Variants in RBFOX1 observed in about 807,000 individuals in gnomAD.
RBFOX1 encodes RNA binding fox-1 homolog 1, also known as RNA binding protein fox-1 homolog 1.
RBFOX1 carries 8 observed loss-of-function variants against 57.7 expected under a neutral mutation model. The observed-to-expected ratio is 0.14, with a 90% CI of 0.08 to 0.25. RBFOX1 has a LOEUF of 0.25. RBFOX1 is among the 10% of genes least tolerant of loss of function. The probability of loss-of-function intolerance (pLI) is 1.00; values close to 1 mark genes in which losing one functional copy is unlikely to be tolerated. For missense variants in RBFOX1, 611 were observed against 548.5 expected, an observed-to-expected ratio of 1.11 and a Z score of -1.14; for synonymous variants, 326 against 222.4, an observed-to-expected ratio of 1.47 and a Z score of -4.15.
At chr16:5,251,472 A>C (rs1208223034) in intron 1 of RBFOX1, among the ~76,000 whole-genome samples, 1 of 152,200 alleles carries the variant, frequency 6.6e-6, no homozygotes, top group Non-Finnish European at 1.5e-5. Flanking sequence ...TGCCGAGCCC[A>C]GAGCCACCCC....
chr16:6,537,143 A>G (rs1421870145), intron 2 of RBFOX1, among the ~76,000 whole-genome samples: 1 of 151,930 alleles, frequency 6.6e-6, no homozygotes, highest in Non-Finnish European at 1.5e-5. Context: ...GAGCACAGGG[A>G]TCTTTCCAGG....
rs117932212 is a variant in RBFOX1 at position 5,706,994 on chromosome 16, A to G, written c.318+108033A>G. ...AAGCCAAGCGTCCTGCGTAAAAGCA[A>G]TTATTTGTCTGAATGCTTGAGGCCA... On this transcript the variant is annotated intron_variant, in intron 3 of 19. Coordinates refer to the RBFOX1 transcript ENST00000641259. Among the ~76,000 whole-genome samples, 701 of 152,260 alleles carry G rather than the reference A, an allele frequency of 4.6e-3. 6 individuals carry two copies. The highest frequency in any genetic ancestry group is 0.031 in the Middle Eastern group (9 of 294).
At chr16:6,514,189 A>C (rs568217759) in intron 2 of RBFOX1, among the ~76,000 whole-genome samples, 1 of 152,152 alleles carries the variant, frequency 6.6e-6, no homozygotes, top group Admixed American at 6.5e-5. Flanking sequence ...TGAAAGGCTT[A>C]TCTCCCATCC....
chr16:6,838,817 C>T (rs889223159), intron 3 of RBFOX1, among the ~76,000 whole-genome samples: 4 of 152,134 alleles, frequency 2.6e-5, no homozygotes, highest in East Asian at 1.9e-4. Context: ...ATACTCCATT[C>T]TCAGCTTTCT....
intron 1 of RBFOX1, among the ~76,000 whole-genome samples, chr16:6,299,194 G>A (rs1218243524): frequency 1.3e-5 from 2 of 152,142 alleles, no homozygotes; most frequent in South Asian, 2.1e-4. Flanking sequence ...GCAAGTGTCC[G>A]ATGCAGGGGC....
chr16:7,690,359 C>T (rs534068583), intron 14 of RBFOX1, among the ~76,000 whole-genome samples: 1 of 152,138 alleles, frequency 6.6e-6, no homozygotes, highest in East Asian at 1.9e-4. Context: ...GGCCCGAGAC[C>T]CAGTTTCAGA....
chr16:6,850,515 G>C (rs1489675432), intron 3 of RBFOX1, among the ~76,000 whole-genome samples: 1 of 151,952 alleles, frequency 6.6e-6, no homozygotes, highest in Non-Finnish European at 1.5e-5. Context: ...AGATGGGAGA[G>C]GAAGTTGGAG....
chr16:6,757,504 G>A (rs1053332623), intron 3 of RBFOX1, among the ~76,000 whole-genome samples: 9 of 152,174 alleles, frequency 5.9e-5, no homozygotes, highest in Non-Finnish European at 1.2e-4. Context: ...AACATGGATG[G>A]AACTGGAGGG....
chr16:5,718,763 C>G (rs1011564170), intron 3 of RBFOX1, among the ~76,000 whole-genome samples: 1 of 152,162 alleles, frequency 6.6e-6, no homozygotes, highest in East Asian at 1.9e-4. Context: ...CAAAAATTAG[C>G]CGGGGCATAG....
chr16:6,615,058 G>T (rs1244665871), intron 2 of RBFOX1, among the ~76,000 whole-genome samples: 1 of 152,192 alleles, frequency 6.6e-6, no homozygotes, highest in Non-Finnish European at 1.5e-5. Flanking sequence ...GCCCTGTGCT[G>T]CAGACGAGGG....
At chr16:5,578,128 T>A (rs2046530676) in intron 2 of RBFOX1, among the ~76,000 whole-genome samples, 1 of 152,132 alleles carries the variant, frequency 6.6e-6, no homozygotes, top group Non-Finnish European at 1.5e-5. Context: ...ATTTTTGTAA[T>A]TTTAGTAGCG....
intron 3 of RBFOX1, among the ~76,000 whole-genome samples, chr16:5,862,488 C>G (rs141101049): frequency 6.6e-6 from 1 of 152,208 alleles, no homozygotes; most frequent in African/African-American, 2.4e-5. Flanking sequence ...TGACCTGCAT[C>G]AATCAGTGAG....
At chr16:7,224,673 C>T in intron 4 of RBFOX1, among the ~76,000 whole-genome samples, 1 of 152,202 alleles carries the variant, frequency 6.6e-6, no homozygotes, top group African/African-American at 2.4e-5. Flanking sequence ...GTAGAAAGAC[C>T]AAATAAGTGA....
chr16:7,652,147 A>G (rs930731820), intron 11 of RBFOX1, among the ~76,000 whole-genome samples: 6 of 152,116 alleles, frequency 3.9e-5, no homozygotes, highest in Non-Finnish European at 5.9e-5. Context: ...AGATGGGACA[A>G]GTGTGGTCAT....
intron 4 of RBFOX1, among the ~76,000 whole-genome samples, chr16:7,472,305 C>T (rs2061703810): frequency 7.2e-6 from 1 of 139,384 alleles, no homozygotes; most frequent in South Asian, 2.1e-4. Flanking sequence ...ATGTATTTAC[C>T]AAATTACCAA....
At chr16:6,277,736 A>G (rs1039758955) in intron 1 of RBFOX1, among the ~76,000 whole-genome samples, 2 of 151,946 alleles carry the variant, frequency 1.3e-5, no homozygotes, top group Non-Finnish European at 2.9e-5. Flanking sequence ...ACCGCTGTAT[A>G]TAACTGCTGG....
At chr16:6,560,330 G>C (rs933410550) in intron 2 of RBFOX1, among the ~76,000 whole-genome samples, 1 of 89,474 alleles carries the variant, frequency 1.1e-5, no homozygotes, top group South Asian at 6.6e-4. Flanking sequence ...GGATGAGGAG[G>C]GCAGGAGAGT....
chr16:6,923,876 A>G (rs1020326404), intron 3 of RBFOX1, among the ~76,000 whole-genome samples: 1 of 152,110 alleles, frequency 6.6e-6, no homozygotes, highest in Non-Finnish European at 1.5e-5. Context: ...ATTGCTATAA[A>G]GAAATACCTG....
intron 3 of RBFOX1, among the ~76,000 whole-genome samples, chr16:6,838,411 C>T (rs2093260792): frequency 6.6e-6 from 1 of 152,168 alleles, no homozygotes; most frequent in Admixed American, 6.5e-5. Context: ...GCCACATTTT[C>T]TTTATCCAGT....
Sources: allele counts gnomAD v4.1 joint callset (sites outside exome capture counted in the v4.1 genomes callset), GRCh38; gene constraint gnomAD v4.1.1; transcripts MANE v1.5; gene names NCBI Gene and HGNC (gene_info 2026-07-23, HGNC 2026-07-21).